The following EXOC2 variants were observed in gnomAD, a reference collection of about 807,000 sequenced individuals.
EXOC2 encodes the protein SEC5-like 1.
EXOC2 carries 70 observed loss-of-function variants against 131.8 expected under a neutral mutation model. The observed-to-expected ratio is 0.53, with a 90% CI of 0.44 to 0.65. EXOC2 has a LOEUF of 0.65. Among genes scored for constraint, EXOC2 ranks in the 30% least tolerant of loss-of-function variants. EXOC2 has a pLI of 0.00. For synonymous variants in EXOC2, 411 were observed against 398.4 expected, an observed-to-expected ratio of 1.03 and a Z score of -0.38; for missense variants, 923 against 1,108.6, an observed-to-expected ratio of 0.83 and a Z score of 2.38.
chr6:541,979 A>C (rs1271852286), intron 22 of EXOC2, among the ~76,000 whole-genome samples: 3 of 152,236 alleles, frequency 2.0e-5, no homozygotes, highest in African/African-American at 7.2e-5. Context: ...ATACATCTCA[A>C]AATAATACTG....
intron 7 of EXOC2, among the ~76,000 whole-genome samples, chr6:609,766 G>A (rs180733089): frequency 2.1e-3 from 327 of 152,268 alleles, no homozygotes; most frequent in Admixed American, 3.3e-3. Flanking sequence ...CACGTTGCTG[G>A]TCAGTGACAA....
chr6:509,750 T>C (rs1764745859), intron 23 of EXOC2, among the ~76,000 whole-genome samples: 1 of 152,202 alleles, frequency 6.6e-6, no homozygotes, highest in South Asian at 2.1e-4. Context: ...TTTCCTGTTG[T>C]AATTGGAAAG....
chr6:496,688 G>A (rs996137927), intron 25 of EXOC2, among the ~76,000 whole-genome samples: 2 of 151,994 alleles, frequency 1.3e-5, no homozygotes, highest in Non-Finnish European at 2.9e-5. Context: ...TCGTTCTCTG[G>A]TGTCTTCAGG....
intron 1 of EXOC2, among the ~76,000 whole-genome samples, chr6:661,406 T>C (rs1320553022): frequency 6.6e-6 from 1 of 152,194 alleles, no homozygotes; most frequent in African/African-American, 2.4e-5. Flanking sequence ...AAGCACCAGG[T>C]AGTCTATAAA....
chr6:595,816 C>G (rs1450467955), intron 10 of EXOC2, among the ~76,000 whole-genome samples: 1 of 152,080 alleles, frequency 6.6e-6, no homozygotes, highest in Non-Finnish European at 1.5e-5. Context: ...CTGGACACTA[C>G]GCTCAACCTC....
chr6:604,362 T>C (rs1045062100), intron 7 of EXOC2, among the ~76,000 whole-genome samples: 2 of 152,168 alleles, frequency 1.3e-5, no homozygotes, highest in African/African-American at 4.8e-5. Flanking sequence ...AGCAGCCACG[T>C]CACCCTCACG....
chr6:546,141 T>C (rs1198392397), intron 22 of EXOC2, among the ~76,000 whole-genome samples: 1 of 152,096 alleles, frequency 6.6e-6, no homozygotes, highest in East Asian at 1.9e-4. Flanking sequence ...GACTTCCCAA[T>C]ATTTTTTCTT....
At chr6:508,444 T>C (rs115599809) in intron 23 of EXOC2, among the ~76,000 whole-genome samples, 3,613 of 152,336 alleles carry the variant, frequency 0.024, 45 homozygotes, top group Non-Finnish European at 0.037. Context: ...AACTCCTCTG[T>C]GCTCCCTCCT....
At chr6:568,821 T>TA (rs1009186170) in intron 13 of EXOC2, among the ~76,000 whole-genome samples, 27 of 152,310 alleles carry the variant, frequency 1.8e-4, no homozygotes, top group African/African-American at 6.5e-4. Flanking sequence ...AATCTGTTGT[T>TA]AAAAAACATA....
At chr6:599,011 A>C in intron 8 of EXOC2, 69 bp downstream of exon 8, 1 of 1,564,244 alleles carries the variant, frequency 6.4e-7, no homozygotes, top group Non-Finnish European at 8.7e-7. Flanking sequence ...AATATAAAAA[A>C]CATCTTAAAA....
chr6:647,202 C>T (rs1249441123), intron 1 of EXOC2, among the ~76,000 whole-genome samples: 1 of 152,130 alleles, frequency 6.6e-6, no homozygotes, highest in East Asian at 1.9e-4. Context: ...CTTTCAGATT[C>T]TGGTCTAGAT....
chr6:664,544 T>G (rs543776260), intron 1 of EXOC2, among the ~76,000 whole-genome samples: 1 of 152,226 alleles, frequency 6.6e-6, no homozygotes, highest in African/African-American at 2.4e-5. Flanking sequence ...AACTATACTA[T>G]AAGGCCATAG....
chr6:504,436 T>C (rs759516656), intron 23 of EXOC2, among the ~76,000 whole-genome samples: 3 of 152,208 alleles, frequency 2.0e-5, no homozygotes, highest in South Asian at 2.1e-4. Context: ...TGATTTTTGG[T>C]GACAGAACCT....
In EXOC2 at chr6:564,525, G is replaced by C. The variant is rs753706058; in HGVS notation, c.1667+20C>G. ...AAAAAACAGAAGTACGCCTTTCTCT[G>C]AGAATGTGTCCATACTCACCTTACA... On this transcript the variant is annotated intron_variant, in intron 15 of 27. Transcript: ENST00000230449. 6.2e-7 allele frequency: 1 copy of C among 1,613,516 alleles called. No homozygotes were observed. The highest frequency in any genetic ancestry group is 1.3e-5 in the African/African-American group (1 of 74,916).
intron 1 of EXOC2, among the ~76,000 whole-genome samples, chr6:646,708 C>A (rs946409497): frequency 2.0e-5 from 3 of 152,102 alleles, no homozygotes; most frequent in African/African-American, 7.2e-5. Flanking sequence ...TTAATAGTTA[C>A]GTTTATATAA....
rs1030724880 is a variant in EXOC2 at position 537,066 on chromosome 6, C to T, written c.2239-4456G>A. ...TGCTTAACATCATTGTTAGGGAAAA[C>T]CAAATAAAGCAACAATGAGACTGGC... On this transcript the variant is annotated intron_variant, in intron 22 of 27. Coordinates refer to ENST00000230449, the MANE Select transcript of EXOC2 (RefSeq NM_018303.6). Among the ~76,000 whole-genome samples the T allele has an allele frequency of 2.6e-5, 4 of 152,042 alleles. No individual in the cohort carries two copies. In the East Asian group the frequency reaches 7.7e-4, roughly 29 times the overall value.
chr6:511,536 C>T lies in EXOC2; in HGVS notation c.2381-11836G>A, dbSNP rs369406656. Among the ~76,000 whole-genome samples the T allele has an allele frequency of 2.2e-3, 330 of 152,340 alleles. 3 individuals are homozygous for T. The highest frequency in any genetic ancestry group is 7.6e-3 in the African/African-American group (316 of 41,568). On this transcript the variant is annotated intron_variant, in intron 23 of 27. Coordinates refer to ENST00000230449, the MANE Select transcript of EXOC2 (RefSeq NM_018303.6). The stretch of plus-strand genomic sequence containing the variant: ...CACACATCTGTTTAGATGGCTAAAA[C>T]CACAAAGCACTGGCCTTGCACCCTG...
At chr6:644,953 T>C (rs1438716137) in intron 1 of EXOC2, among the ~76,000 whole-genome samples, 5 of 152,148 alleles carry the variant, frequency 3.3e-5, no homozygotes, top group African/African-American at 1.2e-4. Flanking sequence ...TATAGAGATA[T>C]TGTCAAGGTC....
intron 23 of EXOC2, among the ~76,000 whole-genome samples, chr6:507,051 CAG>C (rs201966818): frequency 5.9e-4 from 86 of 145,738 alleles, no homozygotes; most frequent in Middle Eastern, 3.6e-3. Context: ...CACACACACA[CAG>C]AGCAGTGATC....
Sources: allele counts gnomAD v4.1 joint callset (sites outside exome capture counted in the v4.1 genomes callset), GRCh38; gene constraint gnomAD v4.1.1; transcripts MANE v1.5; gene names NCBI Gene and HGNC (gene_info 2026-07-23, HGNC 2026-07-21).